RICTOR: variants seen among roughly 807,000 people sequenced by gnomAD.
The protein encoded by RICTOR is rapamycin-insensitive companion of mTOR.
A neutral mutation model predicts 214.9 loss-of-function variants in RICTOR; 49 were observed. The observed-to-expected ratio is 0.23, with a 90% CI of 0.18 to 0.29. The LOEUF (loss-of-function observed/expected upper bound fraction) is 0.29. Among genes scored for constraint, RICTOR ranks in the 10% least tolerant of loss-of-function variants. The probability of loss-of-function intolerance (pLI) is 1.00; values close to 1 mark genes in which losing one functional copy is unlikely to be tolerated. For synonymous variants in RICTOR, 717 were observed against 711.3 expected (o/e 1.01, Z -0.13); for missense variants, 1,625 against 2,047.0 (o/e 0.79, Z 3.98).
At chr5:38,992,502 AC>A (rs1037992727) in intron 6 of RICTOR, among the ~76,000 whole-genome samples, 4 of 152,198 alleles carry the variant, frequency 2.6e-5, no homozygotes, top group African/African-American at 9.6e-5. Flanking sequence ...AAACTATGTT[AC>A]CTTGGCTAAA....
Position 38,945,472 on chromosome 5 carries a change from G to A in RICTOR, c.4633+19C>T, listed in dbSNP as rs773243564. 2.6e-5 allele frequency: 40 copies of A among 1,519,018 alleles called. No individual in the cohort carries two copies. In the Middle Eastern group the frequency reaches 6.8e-4, roughly 26 times the overall value. The allele number at this position is 1,519,018 out of a possible 1,614,324, so 94.1% of individuals were successfully genotyped here. A position where few individuals can be genotyped will look rare whatever the true frequency, so the allele number is the denominator to read the frequency against. ...TAGTCATCACTAGGTTTTTCTGAAG[G>A]TGGGACGTGATCACTTACCTGAATG... On this transcript the variant is annotated intron_variant, in intron 34 of 37. Coordinates refer to ENST00000357387, the MANE Select transcript of RICTOR (RefSeq NM_152756.5).
intron 3 of RICTOR, among the ~76,000 whole-genome samples, chr5:39,015,662 A>G (rs987342684): frequency 6.6e-6 from 1 of 152,062 alleles, no homozygotes; most frequent in Non-Finnish European, 1.5e-5. Flanking sequence ...AGCATTGAAG[A>G]ACCCTGATTT....
chr5:39,007,748 C>A (rs1390381157), intron 3 of RICTOR, among the ~76,000 whole-genome samples: 1 of 151,170 alleles, frequency 6.6e-6, no homozygotes, highest in African/African-American at 2.4e-5. Flanking sequence ...ACAAAAATGG[C>A]AAAATATTGT....
At chr5:39,067,289 A>T (rs1196740622) in intron 2 of RICTOR, among the ~76,000 whole-genome samples, 2 of 152,146 alleles carry the variant, frequency 1.3e-5, no homozygotes, top group African/African-American at 4.8e-5. Flanking sequence ...GGAGTGAGAA[A>T]GAGTAAGAGG....
Position 38,962,998 on chromosome 5 carries a change from T to C in RICTOR, c.1444A>G (p.Met482Val), listed in dbSNP as rs1445066423. Residue 482 changes from methionine (M) to valine (V), a missense_variant, in exon 17 of 38, where the codon ATG becomes GTG. By Grantham distance (21) the Met-to-Val change is conservative (BLOSUM62 1). This residue lies in a region of RICTOR where 1,214 missense variants were observed against 1,470.5 expected (regional missense o/e 0.83). Transcript: ENST00000357387. The stretch of plus-strand genomic sequence containing the variant: ...TAAGGCTTAGGTCCTCGTTTCTTCA[T>C]TTCATGGAAGCGTTTTAAACAGTTC... ...ALNCLKRFHE[M>V]KKRGPKPYSL... 3 of 1,613,122 alleles carry C rather than the reference T, an allele frequency of 1.9e-6. No individual in the cohort carries two copies. The highest frequency in any genetic ancestry group is 1.3e-5 in the African/African-American group (1 of 75,010).
rs760453908 is a variant in RICTOR at position 38,942,920 on chromosome 5, C to G, written c.4965G>C (p.Glu1655Asp). 1 of 1,607,386 alleles carries G rather than the reference C, an allele frequency of 6.2e-7. No homozygotes were observed. ...TGCAGTGTGACAGCAAATGGGAAAC[C>G]TCAGAGTAAAGGCATATGTCATCAA... ...QTFDDICLYS[E>D]VSHLLSHCTF... The change falls in exon 37 of 38, where the codon GAG (glutamate) becomes GAC (aspartate). Residue 1655 changes from glutamate to aspartate, a missense_variant. Physicochemically the swap from Glu to Asp is conservative, Grantham distance 45. Around this residue, in one of 5 missense-constraint regions of RICTOR, gnomAD observed 44 missense variants for 90.1 expected, o/e 0.49. Coordinates refer to ENST00000357387, the MANE Select transcript of RICTOR (RefSeq NM_152756.5).
intron 21 of RICTOR, 56 bp downstream of exon 21, chr5:38,959,723 A>C: frequency 8.8e-7 from 1 of 1,131,564 alleles, no homozygotes; most frequent in South Asian, 1.2e-5. Flanking sequence ...ACCATATCTA[A>C]CTACATTAAA....
intron 2 of RICTOR, among the ~76,000 whole-genome samples, chr5:39,024,444 C>T (rs941740812): frequency 6.6e-6 from 1 of 152,146 alleles, no homozygotes; most frequent in African/African-American, 2.4e-5. Context: ...TAAATTGTAT[C>T]TGTTTGAAAA....
At chr5:39,008,230 TAAC>T (rs544777818) in intron 3 of RICTOR, among the ~76,000 whole-genome samples, 103 of 152,230 alleles carry the variant, frequency 6.8e-4, no homozygotes, top group South Asian at 1.9e-3. Flanking sequence ...AAAATTTTTT[TAAC>T]AACAACTCCT....
intron 30 of RICTOR, 121 bp downstream of exon 30, chr5:38,952,075 T>C (rs983516851): frequency 4.9e-5 from 31 of 635,352 alleles, no homozygotes; most frequent in Non-Finnish European, 7.8e-5. Flanking sequence ...GAGGCTATTA[T>C]TGCCAAATAA....
rs567519608 is a variant in RICTOR at position 38,964,088 on chromosome 5, C to CA, written c.1400+703dup. Reference sequence around the variant, plus strand: ...AAAACTCCATTTCACTAACATCAAGCAAAAAAATAAAATCGTCCATGTATG... The same window carrying CA: ...AAAACTCCATTTCACTAACATCAAGCAAAAAAAATAAAATCGTCCATGTATG... On this transcript the variant is annotated intron_variant, in intron 16 of 37. Coordinates refer to ENST00000357387, the MANE Select transcript of RICTOR (RefSeq NM_152756.5). Among the ~76,000 whole-genome samples the CA allele has an allele frequency of 5.7e-4, 86 of 151,102 alleles. 1 individual carries two copies. In the South Asian group the frequency reaches 0.017, roughly 31 times the overall value.
chr5:38,955,182 G>A (rs1343819906), intron 26 of RICTOR, among the ~76,000 whole-genome samples: 1 of 151,954 alleles, frequency 6.6e-6, no homozygotes, highest in Non-Finnish European at 1.5e-5. Flanking sequence ...TTTAGGCTAC[G>A]TGTATAAGGC....
At chr5:39,051,785 T>G (rs1207182182) in intron 2 of RICTOR, among the ~76,000 whole-genome samples, 1 of 151,956 alleles carries the variant, frequency 6.6e-6, no homozygotes, top group African/African-American at 2.4e-5. Flanking sequence ...TGATTTTCCC[T>G]TCTACAAACT....
chr5:39,016,100 A>G (rs953905195), intron 3 of RICTOR, among the ~76,000 whole-genome samples: 17 of 152,210 alleles, frequency 1.1e-4, no homozygotes, highest in Non-Finnish European at 8.8e-5. Context: ...ACAAATTCTA[A>G]TAAGTTTGGC....
At chr5:38,982,085 TAATAAAAAA>T in intron 7 of RICTOR, 49 bp from the exon 8 acceptor site, 1 of 1,374,302 alleles carries the variant, frequency 7.3e-7, no homozygotes, top group South Asian at 1.3e-5. Context: ...TTATTAAAAG[TAATAAAAAA>T]TCTAGGCTTT....
chr5:38,947,346 G>A lies in RICTOR; in HGVS notation c.4232C>T (p.Ser1411Phe). The A allele has an allele frequency of 6.2e-7, 1 of 1,612,588 alleles. No individual in the cohort carries two copies. Among genetic ancestry groups the A allele is most frequent in the Middle Eastern group, 1.6e-4 (1 of 6,062 alleles). ...NTLQRSSSVRSMVSSATYGGS... is the reference protein window; with the variant it reads ...NTLQRSSSVRFMVSSATYGGS... ...CCCATATGTGGCACTGGACACCATG[G>A]ACCGCACTGAGGAAGATCGTTGCAG... Residue 1411 changes from serine (S) to phenylalanine (F), a missense_variant, in exon 32 of 38, where the codon TCC becomes TTC. Physicochemically the swap from Ser to Phe is radical, Grantham distance 155. Around this residue, in one of 5 missense-constraint regions of RICTOR, gnomAD observed 1,214 missense variants for 1,470.5 expected, o/e 0.83. Transcript: ENST00000357387.
At chr5:39,022,912 C>CA (rs1231589442) in intron 2 of RICTOR, among the ~76,000 whole-genome samples, 2 of 151,358 alleles carry the variant, frequency 1.3e-5, no homozygotes, top group Non-Finnish European at 2.9e-5. Context: ...GTCTTATTTG[C>CA]AAAAAAAGAA....
intron 3 of RICTOR, among the ~76,000 whole-genome samples, chr5:39,003,932 A>G (rs1753831752): frequency 1.3e-5 from 2 of 152,160 alleles, no homozygotes; most frequent in Non-Finnish European, 2.9e-5. Flanking sequence ...TTAAGATTAC[A>G]ACATGCATTG....
Position 38,990,681 on chromosome 5 carries a change from TATC to T in RICTOR, c.583+265_583+267del, listed in dbSNP as rs1168529300. Among the ~76,000 whole-genome samples, 19 of 102,990 alleles carry T rather than the reference TATC, an allele frequency of 1.8e-4. 3 individuals carry two copies. The highest frequency in any genetic ancestry group is 6.6e-4 in the African/African-American group (18 of 27,260). The allele number at this position is 102,990 out of a possible 152,430, so 67.6% of individuals were successfully genotyped here. ...ATATATATCAGATATATATCAGATA[TATC>T]ATATATATGATATATATCAGATATG... is the stretch of plus-strand genomic sequence containing the variant. On this transcript the variant is annotated intron_variant, in intron 7 of 37. Transcript: ENST00000357387.
Sources: gnomAD v4.1 joint callset for allele counts (sites outside exome capture counted in the v4.1 genomes callset) on GRCh38, gnomAD v4.1.1 for gene constraint, gnomAD v4.1.1 regional missense constraint, MANE v1.5 for transcripts, NCBI Gene and HGNC (gene_info 2026-07-23, HGNC 2026-07-21) for gene names.